PPP1R13L: variants seen among roughly 807,000 people sequenced by gnomAD.
PPP1R13L encodes the protein relA-associated inhibitor.
In PPP1R13L, 50 loss-of-function variants were observed where a neutral mutation model predicts 80.9. The observed-to-expected ratio is 0.62, with a 90% CI of 0.49 to 0.78. The LOEUF (loss-of-function observed/expected upper bound fraction) is 0.78. Among genes scored for constraint, PPP1R13L ranks in the 30% least tolerant of loss-of-function variants. The pLI, the probability that PPP1R13L is intolerant of heterozygous loss-of-function variation, is 0.00. For missense variants in PPP1R13L, 1,200 were observed against 1,205.9 expected, an observed-to-expected ratio of 1.00 and a Z score of 0.07; for synonymous variants, 602 against 534.3, an observed-to-expected ratio of 1.13 and a Z score of -1.75.
intron 3 of PPP1R13L, among the ~76,000 whole-genome samples, 195 bp from the exon 4 acceptor site, chr19:45,397,253 C>T (rs528353442): frequency 6.6e-6 from 1 of 152,220 alleles, no homozygotes; most frequent in African/African-American, 2.4e-5. Context: ...GTGGCTAGCC[C>T]ATTACTCTAT....
Position 45,382,653 on chromosome 19 carries a change from C to G in PPP1R13L, c.2322G>C (p.Gly774=). The G allele has an allele frequency of 5.6e-6, 9 of 1,613,984 alleles. No homozygotes were observed. Among genetic ancestry groups the G allele is most frequent in the Non-Finnish European group, 7.6e-6 (9 of 1,180,040 alleles). ...YALWDYSAEF[G]DELSFREGES... ...CGCCCTCGCGGAAGGACAGCTCGTC[C>G]CCGAACTCGGCGCTGTAGTCCCAGA... Residue 774 remains glycine (G), a synonymous_variant, in exon 12 of 13, where the codon GGG becomes GGC. Coordinates refer to ENST00000360957, the MANE Select transcript of PPP1R13L (RefSeq NM_006663.4).
At chr19:45,383,582 A>G (rs1972809870) in intron 11 of PPP1R13L, among the ~76,000 whole-genome samples, 1 of 151,982 alleles carries the variant, frequency 6.6e-6, no homozygotes, top group Non-Finnish European at 1.5e-5. Context: ...GGCGTGAGCC[A>G]CCTGGCCCGG....
chr19:45,401,758 G>T (rs1311822710), intron 1 of PPP1R13L, among the ~76,000 whole-genome samples: 1 of 151,948 alleles, frequency 6.6e-6, no homozygotes, highest in Non-Finnish European at 1.5e-5. Flanking sequence ...TAGATGGATG[G>T]TATAGTGCAG....
At chr19:45,385,792 G>T (rs1393409066) in intron 10 of PPP1R13L, 32 bp downstream of exon 10, 1 of 1,609,408 alleles carries the variant, frequency 6.2e-7, no homozygotes, top group Non-Finnish European at 8.5e-7. Context: ...CGCCCACGGG[G>T]GACCCAGCCC....
At chr19:45,403,233 A>G (rs547858481) in intron 1 of PPP1R13L, among the ~76,000 whole-genome samples, 24 of 152,290 alleles carry the variant, frequency 1.6e-4, no homozygotes, top group African/African-American at 5.5e-4. Flanking sequence ...TAATTACCAG[A>G]TGTCCTTGGC....
At chr19:45,400,602 C>CTT (rs57044476) in intron 1 of PPP1R13L, among the ~76,000 whole-genome samples, 433 of 138,818 alleles carry the variant, frequency 3.1e-3, no homozygotes, top group African/African-American at 9.0e-3. Context: ...GGCAAATCAC[C>CTT]TTTTTTTTTT....
intron 8 of PPP1R13L, among the ~76,000 whole-genome samples, chr19:45,389,110 C>T (rs903377071): frequency 3.3e-5 from 5 of 152,148 alleles, no homozygotes; most frequent in Non-Finnish European, 1.5e-5. Flanking sequence ...TATCCTAAGA[C>T]GGTGACACTA....
In PPP1R13L at chr19:45,393,372, C is replaced by T. The variant is rs1016362211; in HGVS notation, c.1355-1032G>A. Among the ~76,000 whole-genome samples the T allele has an allele frequency of 1.9e-4, 27 of 143,132 alleles. No individual in the cohort carries two copies. The Admixed American group carries it at 1.9e-3, about 10-fold the overall frequency. The allele number at this position is 143,132 out of a possible 152,430, so 93.9% of individuals were successfully genotyped here. A position where few individuals can be genotyped will look rare whatever the true frequency, so the allele number is the denominator to read the frequency against. Reference sequence around the variant, plus strand: ...TTGGGAGGCTGAGGTGGGTGGATCACCTGAGGTCAGGGGTTCGAGACCAGC... The same window carrying T: ...TTGGGAGGCTGAGGTGGGTGGATCATCTGAGGTCAGGGGTTCGAGACCAGC... On this transcript the variant is annotated intron_variant, in intron 7 of 12. Transcript: ENST00000360957.
At chr19:45,398,371 G>A in intron 1 of PPP1R13L, 32 bp from the exon 2 acceptor site, 1 of 1,604,388 alleles carries the variant, frequency 6.2e-7, no homozygotes, top group East Asian at 2.2e-5. Flanking sequence ...AGCTGGCTAA[G>A]ACCCCGCCCC....
upstream of PPP1R13L, chr19:45,405,131 G>C (rs1973307226): frequency 4.9e-6 from 4 of 822,658 alleles, no homozygotes; most frequent in South Asian, 1.1e-4. Flanking sequence ...GGCGGGTCCC[G>C]GTGGGGAGGG....
rs772241701 is a variant in PPP1R13L at position 45,395,727 on chromosome 19, G to A, written c.1063C>T (p.Pro355Ser). The A allele has an allele frequency of 2.9e-6, 4 of 1,373,762 alleles. No individual in the cohort carries two copies. Among genetic ancestry groups the A allele is most frequent in the South Asian group, 1.3e-5 (1 of 75,254 alleles). 85.1% of individuals were successfully genotyped at this position (1,373,762 alleles called of 1,614,324 possible). The part of the protein sequence containing the change: ...SWQPVSRIPM[P>S]PSSPQPRGAP... ...CCGCGGGGCTGGGGGCTGGAGGGGG[G>A]CATGGGGATGCGGCTGACGGGCTGC... The change falls in exon 7 of 13, where the codon CCC becomes TCC. Residue 355 changes from proline to serine, a missense_variant. Around this residue, in one of 5 missense-constraint regions of PPP1R13L, gnomAD observed 764 missense variants for 714.5 expected, o/e 1.07. Transcript: ENST00000360957.
chr19:45,383,573 G>A (rs1202312058), intron 11 of PPP1R13L, among the ~76,000 whole-genome samples: 1 of 152,108 alleles, frequency 6.6e-6, no homozygotes, highest in Non-Finnish European at 1.5e-5. Context: ...GGGATTACAG[G>A]CGTGAGCCAC....
At chr19:45,385,763 G>A (rs1468178037) in intron 10 of PPP1R13L, 35 bp from the exon 11 acceptor site, 1 of 1,608,458 alleles carries the variant, frequency 6.2e-7, no homozygotes, top group East Asian at 2.2e-5. Context: ...GGGGAACGAT[G>A]CGTGAGAGGC....
chr19:45,391,198 GAAA>G (rs35572673), intron 8 of PPP1R13L, among the ~76,000 whole-genome samples: 3 of 143,980 alleles, frequency 2.1e-5, no homozygotes, highest in Non-Finnish European at 3.0e-5. Flanking sequence ...ACTCTGCCTG[GAAA>G]AAAAAAAAAA....
chr19:45,388,798 C>T (rs911781378), intron 8 of PPP1R13L, among the ~76,000 whole-genome samples: 4 of 151,714 alleles, frequency 2.6e-5, no homozygotes, highest in East Asian at 3.9e-4. Flanking sequence ...AGTGCAGTGG[C>T]GCAATCTCGG....
chr19:45,392,307 T>G lies in PPP1R13L; in HGVS notation c.1388A>C (p.Glu463Ala), dbSNP rs1398497762. The change falls in exon 8 of 13, where the codon GAG (glutamate) becomes GCG (alanine). Residue 463 changes from glutamate (E) to alanine (A), a missense_variant. Glu to Ala is a moderately radical substitution (Grantham distance 107). Transcript: ENST00000360957. ...PPKPPTELEP[E>A]PEIEGLLTPV... ...TGTCAGCAGCCCCTCTATCTCCGGC[T>G]CAGGCTCCAGCTCGGTGGGGGGTTT... The G allele has an allele frequency of 6.2e-7, 1 of 1,613,536 alleles. No individual in the cohort carries two copies. The highest frequency in any genetic ancestry group is 8.5e-7 in the Non-Finnish European group (1 of 1,179,998).
At chr19:45,402,490 G>A (rs1973252910) in intron 1 of PPP1R13L, among the ~76,000 whole-genome samples, 1 of 152,210 alleles carries the variant, frequency 6.6e-6, no homozygotes, top group African/African-American at 2.4e-5. Flanking sequence ...GGGGACGTCG[G>A]AGCCACCAGG....
chr19:45,405,863 G>A (rs568613395), upstream of PPP1R13L, among the ~76,000 whole-genome samples: 1 of 152,294 alleles, frequency 6.6e-6, no homozygotes, highest in Non-Finnish European at 1.5e-5. Context: ...AGGGAAGTGG[G>A]TGCGTCCCCC....
chr19:45,403,185 T>A (rs35045992), intron 1 of PPP1R13L, among the ~76,000 whole-genome samples: 2,887 of 152,246 alleles, frequency 0.019, 93 homozygotes, highest in African/African-American at 0.066. Flanking sequence ...ATTAGAACAA[T>A]GCAGTGCGCG....
Sources: allele counts gnomAD v4.1 joint callset (sites outside exome capture counted in the v4.1 genomes callset), GRCh38; gene constraint gnomAD v4.1.1; regional missense constraint gnomAD v4.1.1; transcripts MANE v1.5; gene names NCBI Gene and HGNC (gene_info 2026-07-23, HGNC 2026-07-21).